The following ZFHX3 variants were observed in gnomAD, a reference collection of about 807,000 sequenced individuals.
ZFHX3 encodes zinc finger homeobox protein 3.
ZFHX3 carries 42 observed loss-of-function variants against 279.1 expected under a neutral mutation model. The ratio of observed to expected loss-of-function variants is 0.15; its 90% confidence interval spans 0.12 to 0.19. The LOEUF (loss-of-function observed/expected upper bound fraction) is 0.19. ZFHX3 is among the 10% of genes least tolerant of loss of function. The pLI is 1.00. For synonymous variants in ZFHX3, 2,293 were observed against 1,957.8 expected (o/e 1.17, Z -4.52); for missense variants, 4,981 against 4,754.0 (o/e 1.05, Z -1.40).
intron 2 of ZFHX3, among the ~76,000 whole-genome samples, chr16:73,651,607 T>TCG (rs2052671220): frequency 7.3e-6 from 1 of 137,198 alleles, no homozygotes; most frequent in Admixed American, 8.4e-5. Context: ...GAGGCCGAGG[T>TCG]GGGCAGATCA....
chr16:73,217,927 G>A (rs2012273336), intron 5 of ZFHX3, among the ~76,000 whole-genome samples: 1 of 152,024 alleles, frequency 6.6e-6, no homozygotes, highest in Non-Finnish European at 1.5e-5. Context: ...CAGACACCAG[G>A]ATTGAAAAAA....
chr16:73,477,304 G>T (rs1317921070), intron 2 of ZFHX3, among the ~76,000 whole-genome samples: 1 of 152,166 alleles, frequency 6.6e-6, no homozygotes, highest in Non-Finnish European at 1.5e-5. Context: ...ACATTTTTGT[G>T]CAAGTTACAT....
At chr16:73,734,263 A>G (rs1343451100) in intron 1 of ZFHX3, among the ~76,000 whole-genome samples, 2 of 152,162 alleles carry the variant, frequency 1.3e-5, no homozygotes, top group Non-Finnish European at 2.9e-5. Context: ...GGGTTAGGGG[A>G]TGGACTTTTG....
At chr16:73,623,123 G>A (rs898981421) in intron 2 of ZFHX3, among the ~76,000 whole-genome samples, 6 of 151,550 alleles carry the variant, frequency 4.0e-5, no homozygotes, top group Non-Finnish European at 8.8e-5. Context: ...TGCAAGCTCC[G>A]CCTCCCGGGT....
At chr16:73,568,725 G>A (rs2020485351) in intron 2 of ZFHX3, among the ~76,000 whole-genome samples, 1 of 152,190 alleles carries the variant, frequency 6.6e-6, no homozygotes, top group African/African-American at 2.4e-5. Flanking sequence ...CCCCCCTCTA[G>A]CCACAGGATC....
chr16:73,010,077 T>C (rs985220920), intron 1 of ZFHX3, among the ~76,000 whole-genome samples: 7 of 148,658 alleles, frequency 4.7e-5, no homozygotes, highest in Admixed American at 3.4e-4. Flanking sequence ...GGGGCTTCCA[T>C]TAGCATCAGA....
intron 2 of ZFHX3, among the ~76,000 whole-genome samples, chr16:73,464,193 T>C (rs188666810): frequency 3.3e-5 from 5 of 151,834 alleles, no homozygotes; most frequent in Admixed American, 2.0e-4. Flanking sequence ...AATGAGTAAG[T>C]GGAAGAAAGA....
chr16:73,093,423 G>A (rs558485502), exon 8 of ZFHX3: 36 of 476,108 alleles, frequency 7.6e-5, no homozygotes, highest in African/African-American at 3.1e-4. Context: ...ACTTTGGTCC[G>A]TTTGAGGGCC....
chr16:72,792,594 G>A (rs2035749521), intron 9 of ZFHX3, among the ~76,000 whole-genome samples: 1 of 152,102 alleles, frequency 6.6e-6, no homozygotes, highest in African/African-American at 2.4e-5. Flanking sequence ...TGGGACTATA[G>A]GTGCATACCA....
At chr16:73,718,314 G>A (rs2053436138) in intron 1 of ZFHX3, among the ~76,000 whole-genome samples, 1 of 152,092 alleles carries the variant, frequency 6.6e-6, no homozygotes, top group Non-Finnish European at 1.5e-5. Context: ...GGGAGGCTGA[G>A]GCAGAAGAAT....
intron 2 of ZFHX3, among the ~76,000 whole-genome samples, chr16:73,513,079 G>A (rs1386294953): frequency 6.6e-6 from 1 of 152,198 alleles, no homozygotes; most frequent in South Asian, 2.1e-4. Context: ...AGGCAGAGTG[G>A]TTATCATTAC....
intron 8 of ZFHX3, among the ~76,000 whole-genome samples, chr16:73,064,873 C>T (rs1965727161): frequency 6.6e-6 from 1 of 152,236 alleles, no homozygotes; most frequent in Non-Finnish European, 1.5e-5. Flanking sequence ...ACCGCCTGCA[C>T]CGCTGGCTAG....
chr16:73,100,748 C>CCAT (rs1966220813), intron 7 of ZFHX3, among the ~76,000 whole-genome samples: 1 of 152,114 alleles, frequency 6.6e-6, no homozygotes, highest in Non-Finnish European at 1.5e-5. Flanking sequence ...CAGGCACCCA[C>CCAT]CATCACGCCT....
chr16:73,553,755 C>T (rs552807827), intron 2 of ZFHX3, among the ~76,000 whole-genome samples: 1 of 152,284 alleles, frequency 6.6e-6, no homozygotes, highest in East Asian at 1.9e-4. Context: ...CCATAGACTC[C>T]AGGTCTGCCT....
At chr16:73,396,377 T>G (rs1312168942) in intron 3 of ZFHX3, among the ~76,000 whole-genome samples, 1 of 152,098 alleles carries the variant, frequency 6.6e-6, no homozygotes, top group East Asian at 1.9e-4. Flanking sequence ...TAATGAAAGT[T>G]TTCAAAGGGG....
intron 5 of ZFHX3, among the ~76,000 whole-genome samples, chr16:72,828,458 A>G (rs1226098263): frequency 6.6e-6 from 1 of 152,194 alleles, no homozygotes; most frequent in East Asian, 1.9e-4. Flanking sequence ...TCCTTCTCTC[A>G]ACACCAGTTT....
intron 1 of ZFHX3, among the ~76,000 whole-genome samples, chr16:73,810,635 GT>G (rs1325813592): frequency 2.0e-5 from 3 of 151,920 alleles, no homozygotes; most frequent in African/African-American, 7.3e-5. Flanking sequence ...TATTATTCCT[GT>G]TGCAAAAGAA....
At chr16:73,606,519 G>T (rs1226450824) in intron 2 of ZFHX3, among the ~76,000 whole-genome samples, 1 of 151,236 alleles carries the variant, frequency 6.6e-6, no homozygotes, top group Non-Finnish European at 1.5e-5. Context: ...GCTTGTCTTG[G>T]TCCTAGGGCC....
Position 72,788,157 on chromosome 16 carries a change from C to G in ZFHX3, c.10119G>C (p.Glu3373Asp), listed in dbSNP as rs768746392. 6.2e-7 allele frequency: 1 copy of G among 1,612,306 alleles called. No homozygotes were observed. The highest frequency in any genetic ancestry group is 1.7e-5 in the Admixed American group (1 of 59,970). The change falls in exon 10 of 10, where the codon GAG becomes GAC. Residue 3373 changes from glutamate (E) to aspartate (D), a missense_variant. Transcript: ENST00000268489. ...GCCGCTGCTGCTGCTGCTGAATTGC[C>G]TCCTGCAGACTCTGCTGGTATTGCT... The part of the protein sequence containing the change: ...QYQQYQQSLQ[E>D]AIQQQQQRQL...
Sources: allele counts gnomAD v4.1 joint callset (sites outside exome capture counted in the v4.1 genomes callset), GRCh38; gene constraint gnomAD v4.1.1; transcripts MANE v1.5; gene names NCBI Gene and HGNC (gene_info 2026-07-23, HGNC 2026-07-21).